The following PHLDB2 variants were observed in gnomAD, a reference collection of about 807,000 sequenced individuals.
PHLDB2 encodes pleckstrin homology-like domain family B member 2.
Under a neutral mutation model 123.6 loss-of-function variants are expected in PHLDB2, and 71 were observed. The ratio of observed to expected loss-of-function variants is 0.57; its 90% CI spans 0.47 to 0.70. PHLDB2 has a LOEUF of 0.70. Ranked by LOEUF, PHLDB2 falls within the 30% of genes least tolerant of loss-of-function variation. PHLDB2 has a pLI of 0.00. For synonymous variants in PHLDB2, 547 were observed against 541.6 expected (o/e 1.01, Z -0.14); for missense variants, 1,446 against 1,519.5 (o/e 0.95, Z 0.80).
chr3:111,760,905 G>A (rs964771755), intron 1 of PHLDB2, among the ~76,000 whole-genome samples: 2 of 152,008 alleles, frequency 1.3e-5, no homozygotes, highest in Non-Finnish European at 2.9e-5. Context: ...GAACTAAGTC[G>A]GCCAGGTGTG....
Position 111,974,464 on chromosome 3 carries a change from C to T in PHLDB2, c.3663C>T (p.Asp1221=), listed in dbSNP as rs1323979926. ...TCACCTTTAGCGTCAAGACTCATGA[C>T]AGAATCTATTATATGGTAGCCCCAT... ...PLLTFSVKTH[D]RIYYMVAPSP... is the part of the protein sequence containing the mutation. Residue 1221 remains aspartate, a synonymous_variant, in exon 18 of 18, where the codon GAC becomes GAT. Transcript: ENST00000431670. 6.2e-7 allele frequency: 1 copy of T among 1,613,030 alleles called. No homozygotes were observed. The highest frequency in any genetic ancestry group is 8.5e-7 in the Non-Finnish European group (1 of 1,179,388).
At chr3:111,928,049 C>G (rs1255237193) in intron 5 of PHLDB2, among the ~76,000 whole-genome samples, 3 of 152,186 alleles carry the variant, frequency 2.0e-5, no homozygotes, top group Non-Finnish European at 4.4e-5. Flanking sequence ...TTAGTGTAAA[C>G]TTTTAACAAT....
Position 111,859,282 on chromosome 3 carries a change from G to A in PHLDB2, c.-309G>A, listed in dbSNP as rs941595476. 62 of 985,448 alleles carry A rather than the reference G, an allele frequency of 6.3e-5. 1 individual carries two copies. In the African/African-American group the frequency reaches 9.1e-4, roughly 14 times the overall value. 61.0% of individuals were successfully genotyped at this position (985,448 alleles called of 1,614,324 possible). ...AAGTCCCTACTGCGTTGCTGCGAACGTAGCTTTGAGAAGCTGGCGCCCAGT... is the reference window on the plus strand; with the variant it reads ...AAGTCCCTACTGCGTTGCTGCGAACATAGCTTTGAGAAGCTGGCGCCCAGT... On this transcript the variant is annotated 5_prime_UTR_variant, in exon 1 of 18. Coordinates refer to ENST00000431670, the MANE Select transcript of PHLDB2 (RefSeq NM_001134438.2).
At chr3:111,802,544 C>T (rs1241229660) in intron 1 of PHLDB2, among the ~76,000 whole-genome samples, 1 of 152,186 alleles carries the variant, frequency 6.6e-6, no homozygotes, top group East Asian at 1.9e-4. Flanking sequence ...TAGCATAGAG[C>T]AAGATGACGT....
At chr3:111,895,278 G>A (rs1182411637) in intron 2 of PHLDB2, among the ~76,000 whole-genome samples, 2 of 152,130 alleles carry the variant, frequency 1.3e-5, no homozygotes, top group African/African-American at 4.8e-5. Context: ...CCTCTTGATG[G>A]TGCCATGCAT....
chr3:111,841,139 G>T (rs921684861), intron 1 of PHLDB2, among the ~76,000 whole-genome samples: 3 of 151,770 alleles, frequency 2.0e-5, no homozygotes, highest in Non-Finnish European at 4.4e-5. Flanking sequence ...TCACTCTGTC[G>T]CCCAGGCTGG....
intron 1 of PHLDB2, among the ~76,000 whole-genome samples, chr3:111,760,043 G>A (rs567348437): frequency 3.3e-5 from 5 of 152,200 alleles, no homozygotes; most frequent in Non-Finnish European, 7.3e-5. Flanking sequence ...CAATACTTAT[G>A]CAAAAGCATT....
At chr3:111,854,438 A>G (rs974122034), upstream of PHLDB2, among the ~76,000 whole-genome samples, 11 of 152,226 alleles carry the variant, frequency 7.2e-5, no homozygotes, top group African/African-American at 2.4e-4. Flanking sequence ...TGATTCATTA[A>G]ATCATCATAA....
chr3:111,789,146 T>G (rs1409483859), intron 1 of PHLDB2, among the ~76,000 whole-genome samples: 2 of 152,174 alleles, frequency 1.3e-5, no homozygotes, highest in Non-Finnish European at 2.9e-5. Flanking sequence ...AAAACAGTGC[T>G]CCCCACTCCT....
At chr3:111,946,962 G>A (rs1255637989) in intron 9 of PHLDB2, among the ~76,000 whole-genome samples, 1 of 151,020 alleles carries the variant, frequency 6.6e-6, no homozygotes, top group East Asian at 1.9e-4. Flanking sequence ...TTTGGAGGTA[G>A]AGTTGACAGT....
At chr3:111,880,017 A>C (rs866657051) in intron 1 of PHLDB2, among the ~76,000 whole-genome samples, 16 of 120,122 alleles carry the variant, frequency 1.3e-4, no homozygotes, top group Admixed American at 2.0e-4. Flanking sequence ...GGCCATATCC[A>C]CAGTCTCTTT....
chr3:111,897,899 A>G (rs1167877846), intron 2 of PHLDB2, among the ~76,000 whole-genome samples: 1 of 152,232 alleles, frequency 6.6e-6, no homozygotes, highest in African/African-American at 2.4e-5. Context: ...AAAGCAAGTG[A>G]CGCAAATTTT....
At chr3:111,814,627 T>TAA (rs1171115872) in intron 1 of PHLDB2, among the ~76,000 whole-genome samples, 9 of 127,822 alleles carry the variant, frequency 7.0e-5, no homozygotes, top group Non-Finnish European at 3.3e-5. Flanking sequence ...AAGTATTTAT[T>TAA]TAAAAAAAAA....
intron 5 of PHLDB2, 101 bp from the exon 6 acceptor site, chr3:111,932,168 T>C (rs936410602): frequency 8.7e-6 from 11 of 1,257,964 alleles, no homozygotes; most frequent in Non-Finnish European, 1.2e-5. Context: ...TGTCCAGAGT[T>C]TGTGTATGTT....
intron 2 of PHLDB2, among the ~76,000 whole-genome samples, chr3:111,852,753 GACACACAC>G (rs36217120): frequency 1.4e-3 from 203 of 149,946 alleles, no homozygotes; most frequent in African/African-American, 3.3e-3. Context: ...TAATCTAAAA[GACACACAC>G]ACACACACAC....
At chr3:111,776,970 C>T (rs1020362127) in intron 1 of PHLDB2, among the ~76,000 whole-genome samples, 2 of 151,892 alleles carry the variant, frequency 1.3e-5, no homozygotes, top group Non-Finnish European at 2.9e-5. Flanking sequence ...AAAGTGTGTA[C>T]GGTGAAGGGG....
intron 6 of PHLDB2, among the ~76,000 whole-genome samples, chr3:111,935,825 G>T (rs1302670706): frequency 1.3e-5 from 2 of 152,128 alleles, no homozygotes; most frequent in Non-Finnish European, 2.9e-5. Flanking sequence ...TTAAGGGTGG[G>T]TCTGCCTTTC....
At chr3:111,757,930 G>A (rs1017120022) in intron 1 of PHLDB2, among the ~76,000 whole-genome samples, 5 of 152,276 alleles carry the variant, frequency 3.3e-5, no homozygotes, top group South Asian at 4.1e-4. Flanking sequence ...TTCGTGAACC[G>A]CGAATGCTGC....
intron 1 of PHLDB2, among the ~76,000 whole-genome samples, chr3:111,805,361 C>T (rs377375252): frequency 6.6e-6 from 1 of 152,042 alleles, no homozygotes; most frequent in African/African-American, 2.4e-5. Context: ...GAGCTCGAGA[C>T]CATCCTGGCT....
Sources: allele counts gnomAD v4.1 joint callset (sites outside exome capture counted in the v4.1 genomes callset), GRCh38; gene constraint gnomAD v4.1.1; transcripts MANE v1.5; gene names NCBI Gene and HGNC (gene_info 2026-07-23, HGNC 2026-07-21).